TSC1: variants seen among roughly 807,000 people sequenced by gnomAD.
TSC1 encodes the protein hamartin.
In TSC1, 20 loss-of-function variants were observed where a neutral mutation model predicts 124.3. That is an observed-to-expected ratio of 0.16 (90% CI 0.11 to 0.23). The LOEUF is 0.23. TSC1 is among the 10% of genes least tolerant of loss of function. TSC1 has a pLI of 1.00. For missense variants in TSC1, 1,124 were observed against 1,448.5 expected (o/e 0.78, Z 3.64); for synonymous variants, 493 against 539.1 (o/e 0.91, Z 1.19).
chr9:132,939,616 T>C (rs1282684309), intron 1 of TSC1, among the ~76,000 whole-genome samples: 1 of 152,250 alleles, frequency 6.6e-6, no homozygotes, highest in East Asian at 1.9e-4. Context: ...TCTATTAACA[T>C]GAACAACATT....
chr9:132,930,354 C>A (rs998681275), intron 2 of TSC1, among the ~76,000 whole-genome samples: 3 of 152,006 alleles, frequency 2.0e-5, no homozygotes, highest in African/African-American at 7.2e-5. Context: ...AATGGGAGGC[C>A]GAGGCAGGCA....
chr9:132,910,506 A>G, intron 12 of TSC1, 65 bp downstream of exon 12: 1 of 1,613,520 alleles, frequency 6.2e-7, no homozygotes, highest in Non-Finnish European at 8.5e-7. Context: ...TAGGCTTCTC[A>G]AAGTGAGGCT....
Position 132,906,877 on chromosome 9 carries a change from G to A in TSC1, c.1334-42C>T. 1 of 1,499,070 alleles carries A rather than the reference G, an allele frequency of 6.7e-7. No individual in the cohort carries two copies. The allele number at this position is 1,499,070 out of a possible 1,614,324, so 92.9% of individuals were successfully genotyped here. ...ACAACTGAAGTCAAAGAAATACAGT[G>A]TAATCCCTGTAAGTGTAAAACTGCT... On this transcript the variant is annotated intron_variant, in intron 13 of 22. Coordinates refer to ENST00000298552, the MANE Select transcript of TSC1 (RefSeq NM_000368.5). This position sits in a 1 kb window ranked among gnomAD's most constrained non-coding sequence, Gnocchi z 4.1.
chr9:132,920,525 A>C (rs1846490213), intron 8 of TSC1, among the ~76,000 whole-genome samples: 1 of 152,084 alleles, frequency 6.6e-6, no homozygotes, highest in South Asian at 2.1e-4. Context: ...CTCTACATAT[A>C]ATCTCACAAT....
intron 20 of TSC1, among the ~76,000 whole-genome samples, chr9:132,898,620 C>A (rs894461783): frequency 1.3e-5 from 2 of 152,188 alleles, no homozygotes; most frequent in African/African-American, 4.8e-5. Flanking sequence ...GGTGGATGAA[C>A]GCATCTATCT....
chr9:132,943,307 C>G (rs529024697), intron 1 of TSC1, among the ~76,000 whole-genome samples: 1 of 150,548 alleles, frequency 6.6e-6, no homozygotes, highest in Admixed American at 6.6e-5. Flanking sequence ...ATTAAACTAT[C>G]AAATACTTTT....
chr9:132,910,330 G>A lies in TSC1; in HGVS notation c.1263+241C>T, dbSNP rs1845882061. 3.2e-5 allele frequency: 20 copies of A among 622,616 alleles called. No individual in the cohort carries two copies. The South Asian group carries it at 3.6e-4, about 11-fold the overall frequency. 38.6% of individuals were successfully genotyped at this position (622,616 alleles called of 1,614,324 possible). A position where few individuals can be genotyped will look rare whatever the true frequency, so the allele number is the denominator to read the frequency against. ...AAAAAAAAAAAAAAAAAAATCAAGA[G>A]AGTAGGTTTGACCTGCTGGGTTCCC... On this transcript the variant is annotated intron_variant, in intron 12 of 22. Coordinates refer to ENST00000298552, the MANE Select transcript of TSC1 (RefSeq NM_000368.5).
chr9:132,931,934 T>C (rs181135995), intron 2 of TSC1, among the ~76,000 whole-genome samples: 2 of 152,302 alleles, frequency 1.3e-5, no homozygotes, highest in Admixed American at 6.5e-5. Flanking sequence ...TTACAGCCTA[T>C]AGAAGACTGG....
At chr9:132,912,251 A>G (rs1488562440) in intron 9 of TSC1, 31 bp downstream of exon 9, 2 of 1,613,794 alleles carry the variant, frequency 1.2e-6, no homozygotes, top group Non-Finnish European at 1.7e-6. Flanking sequence ...ACAAAGTTGC[A>G]AAACAGATAA....
intron 5 of TSC1, among the ~76,000 whole-genome samples, chr9:132,925,167 TCTTAATTATAGCTGCAAC>T (rs1289989948): frequency 6.6e-6 from 1 of 152,192 alleles, no homozygotes; most frequent in Non-Finnish European, 1.5e-5. Flanking sequence ...ATCAACAAAG[TCTTAATTATAGCTGCAAC>T]CAGACCATAC....
intron 1 of TSC1, among the ~76,000 whole-genome samples, chr9:132,936,846 A>T (rs1214931363): frequency 2.0e-5 from 3 of 152,234 alleles, no homozygotes; most frequent in Admixed American, 1.3e-4. Flanking sequence ...TGGACACCTA[A>T]TTACCCTAAA....
intron 1 of TSC1, among the ~76,000 whole-genome samples, chr9:132,935,944 CACTT>C (rs1051748483): frequency 3.3e-5 from 5 of 152,218 alleles, no homozygotes; most frequent in Admixed American, 2.6e-4. Flanking sequence ...TTTCTTGTGT[CACTT>C]ACCACAACCC....
Position 132,893,599 on chromosome 9 carries a change from G to T in TSC1, c.*2636C>A. ...CAGCAGCAGACTTCGGGCTCCTCGG[G>T]GCCTGTGCTGACTCTGGTTAGTGTC... On this transcript the variant is annotated 3_prime_UTR_variant, in exon 23 of 23. Coordinates refer to ENST00000298552, the MANE Select transcript of TSC1 (RefSeq NM_000368.5). 4.3e-6 allele frequency: 1 copy of T among 233,240 alleles called. No homozygotes were observed. Among genetic ancestry groups the T allele is most frequent in the Non-Finnish European group, 8.5e-6 (1 of 118,020 alleles). The allele number at this position is 233,240 out of a possible 1,614,324, so 14.4% of individuals were successfully genotyped here. A position where few individuals can be genotyped will look rare whatever the true frequency, so the allele number is the denominator to read the frequency against.
At position 132,927,242 on chromosome 9, in the gene TSC1, C is replaced by T. The variant is rs1846921261; in HGVS notation, c.169G>A (p.Ala57Thr). The T allele has an allele frequency of 6.2e-7, 1 of 1,613,974 alleles. No homozygotes were observed. The highest frequency in any genetic ancestry group is 8.5e-7 in the Non-Finnish European group (1 of 1,179,930). Residue 57 changes from alanine to threonine, a missense_variant, in exon 4 of 23, where the codon GCA becomes ACA. Ala to Thr is a moderately conservative substitution (Grantham distance 58). This residue lies in a region of TSC1 where 463 missense variants were observed against 606.8 expected (regional missense o/e 0.76). Coordinates refer to ENST00000298552, the MANE Select transcript of TSC1 (RefSeq NM_000368.5). Reference protein sequence around the residue: ...DYYLETSSQPALHILTTLQEP... With the variant: ...DYYLETSSQPTLHILTTLQEP... The stretch of plus-strand genomic sequence containing the variant: ...TGCAAGGTGGTCAGGATGTGCAATG[C>T]CGGCTGAGAGCTGGTTTCCAGGTAA...
intron 2 of TSC1, among the ~76,000 whole-genome samples, chr9:132,929,644 T>TA (rs1236274263): frequency 6.6e-6 from 1 of 152,230 alleles, no homozygotes; most frequent in Non-Finnish European, 1.5e-5. Flanking sequence ...TTCCCAAGTG[T>TA]AACTATACAC....
chr9:132,940,909 T>C (rs950207428), intron 1 of TSC1: 2 of 152,232 alleles, frequency 1.3e-5, no homozygotes, highest in African/African-American at 4.8e-5. Context: ...CTCTGTGAAC[T>C]ACTCAAAGTA....
At chr9:132,914,815 G>A (rs1205026681) in intron 8 of TSC1, among the ~76,000 whole-genome samples, 1 of 152,012 alleles carries the variant, frequency 6.6e-6, no homozygotes, top group Admixed American at 6.6e-5. Context: ...GTTGCAGAGA[G>A]CCAGGAAAGC....
intron 12 of TSC1, among the ~76,000 whole-genome samples, chr9:132,908,628 T>A (rs1004548844): frequency 1.3e-5 from 2 of 151,532 alleles, no homozygotes; most frequent in Admixed American, 6.6e-5. Context: ...TTTTTTTTTT[T>A]AGTTGAGATG....
chr9:132,939,221 C>T (rs1847615591), intron 1 of TSC1: 1 of 152,166 alleles, frequency 6.6e-6, no homozygotes, highest in Admixed American at 6.5e-5. Context: ...GCCTTCAGCA[C>T]AAATGCATCT....
Sources: allele counts gnomAD v4.1 joint callset (sites outside exome capture counted in the v4.1 genomes callset), GRCh38; gene constraint gnomAD v4.1.1; regional missense constraint gnomAD v4.1.1; non-coding constraint Gnocchi (gnomAD v3.1); transcripts MANE v1.5; gene names NCBI Gene and HGNC (gene_info 2026-07-23, HGNC 2026-07-21).